TUBGCP3: variants seen among roughly 807,000 people sequenced by gnomAD.
The protein encoded by TUBGCP3 is tubulin gamma complex component 3.
TUBGCP3 carries 50 observed loss-of-function variants against 123.1 expected under a neutral mutation model. The ratio of observed to expected loss-of-function variants is 0.41; its 90% CI spans 0.32 to 0.51. The LOEUF (loss-of-function observed/expected upper bound fraction) is 0.51, where lower values mean the gene tolerates loss of function less well. TUBGCP3 is among the 20% of genes least tolerant of loss of function. The pLI is 0.36. For missense variants in TUBGCP3, 882 were observed against 1,127.0 expected, an observed-to-expected ratio of 0.78 and a Z score of 3.11; for synonymous variants, 405 against 413.9, an observed-to-expected ratio of 0.98 and a Z score of 0.26.
intron 1 of TUBGCP3, among the ~76,000 whole-genome samples, chr13:112,580,041 C>T (rs571886504): frequency 1.2e-3 from 183 of 152,264 alleles, no homozygotes; most frequent in Non-Finnish European, 1.7e-3. Flanking sequence ...GCATCTCAAA[C>T]GCGTTATACT....
In TUBGCP3 at chr13:112,485,814, C is replaced by T; in HGVS notation, c.*179G>A. ...CTTAGGGATTTACAAATGCATTCGA[C>T]TCCGACATGTGAAACACGACGTGGC... is the stretch of plus-strand genomic sequence containing the variant. On this transcript the variant is annotated 3_prime_UTR_variant, in exon 22 of 22. Coordinates refer to ENST00000261965, the MANE Select transcript of TUBGCP3 (RefSeq NM_006322.6). 7.3e-6 allele frequency: 5 copies of T among 687,094 alleles called. No homozygotes were observed. The South Asian group carries it at 8.0e-5, about 11-fold the overall frequency. The allele number at this position is 687,094 out of a possible 1,614,324, so 42.6% of individuals were successfully genotyped here.
chr13:112,578,211 C>T (rs1052136366), intron 1 of TUBGCP3, among the ~76,000 whole-genome samples: 2 of 147,374 alleles, frequency 1.4e-5, no homozygotes, highest in African/African-American at 4.9e-5. Context: ...TGTGTCTAGA[C>T]TTGCTGGCTC....
chr13:112,548,239 T>A, intron 8 of TUBGCP3, 63 bp from the exon 9 acceptor site: 1 of 1,356,684 alleles, frequency 7.4e-7, no homozygotes, highest in Non-Finnish European at 1.0e-6. Context: ...TGATTTTAAG[T>A]GGAAAGGTAT....
chr13:112,549,950 A>G (rs1328975898), intron 8 of TUBGCP3, among the ~76,000 whole-genome samples: 1 of 145,292 alleles, frequency 6.9e-6, no homozygotes, highest in African/African-American at 2.6e-5. Flanking sequence ...AGATCACAAC[A>G]CTGCACTTCA....
chr13:112,504,169 A>C lies in TUBGCP3; in HGVS notation c.2176-6T>G. The C allele has an allele frequency of 6.2e-7, 1 of 1,614,120 alleles. No individual in the cohort carries two copies. Among genetic ancestry groups the C allele is most frequent in the Non-Finnish European group, 8.5e-7 (1 of 1,180,014 alleles). On this transcript the variant is annotated splice_polypyrimidine_tract_variant and splice_region_variant and intron_variant, in intron 18 of 21. Coordinates refer to ENST00000261965, the MANE Select transcript of TUBGCP3 (RefSeq NM_006322.6). ...TCCCAAGAACATTCAAGCACCTGGG[A>C]AACAACAATTTAAAGACGCTAGATA...
rs1594135040 is a variant in TUBGCP3 at position 112,519,016 on chromosome 13, C to T, written c.1909G>A (p.Val637Ile). 1 of 1,614,062 alleles carries T rather than the reference C, an allele frequency of 6.2e-7. No homozygotes were observed. Among genetic ancestry groups the T allele is most frequent in the East Asian group, 2.2e-5 (1 of 44,876 alleles). The change falls in exon 16 of 22, where the codon GTC becomes ATC. Residue 637 changes from valine (V) to isoleucine (I), a missense_variant. By Grantham distance (29) the Val-to-Ile change is conservative. Coordinates refer to ENST00000261965, the MANE Select transcript of TUBGCP3 (RefSeq NM_006322.6). The surrounding 1 kb of genome is among the most constrained non-coding windows in gnomAD (Gnocchi z 6.2). Reference protein sequence around the residue: ...EVSPGDTGWDVFSLDYHVDGP... With the variant: ...EVSPGDTGWDIFSLDYHVDGP... ...TCAACATGATAATCGAGGCTGAAGACATCCCATCCAGTGTCACCTGGAGAG... is the reference window on the plus strand; with the variant it reads ...TCAACATGATAATCGAGGCTGAAGATATCCCATCCAGTGTCACCTGGAGAG...
At chr13:112,526,429 A>G (rs1321641897) in intron 13 of TUBGCP3, among the ~76,000 whole-genome samples, 1 of 148,568 alleles carries the variant, frequency 6.7e-6, no homozygotes, top group Non-Finnish European at 1.5e-5. Flanking sequence ...CACTGCCGCT[A>G]CCACGCCATC....
intron 14 of TUBGCP3, 27 bp from the exon 15 acceptor site, chr13:112,520,048 A>T (rs752439681): frequency 6.3e-7 from 1 of 1,596,202 alleles, no homozygotes; most frequent in Non-Finnish European, 8.5e-7. Context: ...AAAATTAAAG[A>T]AAATATTACT....
At chr13:112,529,081 G>C (rs1418308163) in intron 11 of TUBGCP3, among the ~76,000 whole-genome samples, 2 of 152,012 alleles carry the variant, frequency 1.3e-5, no homozygotes, top group Non-Finnish European at 2.9e-5. Flanking sequence ...TCAAACTCCT[G>C]AGCTCAAGCG....
chr13:112,576,923 A>C (rs78896552), intron 1 of TUBGCP3, among the ~76,000 whole-genome samples: 10 of 151,098 alleles, frequency 6.6e-5, no homozygotes, highest in East Asian at 3.9e-4. Flanking sequence ...AAAAAAAAAA[A>C]CCCCAGCAGT....
At chr13:112,530,429 G>A (rs970344985) in intron 11 of TUBGCP3, among the ~76,000 whole-genome samples, 2 of 152,164 alleles carry the variant, frequency 1.3e-5, no homozygotes, top group Admixed American at 6.5e-5. Context: ...GGAAAAAATC[G>A]CATATACAAC....
chr13:112,522,443 G>T lies in TUBGCP3; in HGVS notation c.1622C>A (p.Thr541Asn), dbSNP rs760439889. 15 of 1,613,950 alleles carry T rather than the reference G, an allele frequency of 9.3e-6. No homozygotes were observed. The highest frequency in any genetic ancestry group is 1.3e-5 in the Non-Finnish European group (15 of 1,179,940). ...GAGAACATCCAACAGGTATTTGCTG[G>T]TCTCAAAATAAGCAGCATCAATCTT... ...QGKIDAAYFETSKYLLDVLNK... is the reference protein window; with the variant it reads ...QGKIDAAYFENSKYLLDVLNK... Residue 541 changes from threonine (T) to asparagine (N), a missense_variant, in exon 14 of 22, where the codon ACC becomes AAC. Transcript: ENST00000261965.
At chr13:112,576,995 A>G (rs1482247509) in intron 1 of TUBGCP3, among the ~76,000 whole-genome samples, 3 of 146,094 alleles carry the variant, frequency 2.1e-5, no homozygotes, top group Non-Finnish European at 4.7e-5. Context: ...TAAAAAAAAA[A>G]AAGAAAAAAA....
upstream of TUBGCP3, among the ~76,000 whole-genome samples, chr13:112,589,238 A>T (rs764521542): frequency 5.3e-5 from 8 of 152,194 alleles, no homozygotes; most frequent in Non-Finnish European, 1.0e-4. Context: ...CGCATACTAC[A>T]ATGTCCAGAT....
At chr13:112,598,998 C>CAAA in the TUBGCP3 span, among the ~76,000 whole-genome samples, 37 of 124,942 alleles carry the variant, frequency 3.0e-4, no homozygotes, top group African/African-American at 1.0e-3. Context: ...TCTATAAATA[C>CAAA]AAAAAAAAAA....
chr13:112,578,031 G>T (rs1037423011), intron 1 of TUBGCP3, among the ~76,000 whole-genome samples: 1 of 152,142 alleles, frequency 6.6e-6, no homozygotes, highest in African/African-American at 2.4e-5. Context: ...TCTGACTAAC[G>T]TAAAAGAGTC....
intron 20 of TUBGCP3, among the ~76,000 whole-genome samples, chr13:112,494,311 T>C (rs1246899423): frequency 6.6e-6 from 1 of 152,256 alleles, no homozygotes; most frequent in African/African-American, 2.4e-5. Flanking sequence ...TATTCCAAAG[T>C]GGTTATTCCA....
chr13:112,592,630 T>G (rs1194167551), upstream of TUBGCP3, among the ~76,000 whole-genome samples: 1 of 152,170 alleles, frequency 6.6e-6, no homozygotes, highest in Non-Finnish European at 1.5e-5. The surrounding 1 kb of genome is among the most constrained non-coding windows in gnomAD (Gnocchi z 4.1). Flanking sequence ...AAGTGCTGAA[T>G]GCAAAGTCAG....
At chr13:112,581,652 C>G (rs1373842285) in intron 1 of TUBGCP3, among the ~76,000 whole-genome samples, 3 of 152,052 alleles carry the variant, frequency 2.0e-5, no homozygotes, top group Non-Finnish European at 4.4e-5. Flanking sequence ...TACCATGTTG[C>G]CCAGGCTGGT....
Sources: gnomAD v4.1 joint callset for allele counts (sites outside exome capture counted in the v4.1 genomes callset) on GRCh38, gnomAD v4.1.1 for gene constraint, Gnocchi (gnomAD v3.1) non-coding constraint, MANE v1.5 for transcripts, NCBI Gene and HGNC (gene_info 2026-07-23, HGNC 2026-07-21) for gene names.